The following PAN3 variants were observed in gnomAD, a reference collection of about 807,000 sequenced individuals.
PAN3 encodes the protein PAN2-PAN3 deadenylation complex subunit PAN3.
PAN3 carries 19 observed loss-of-function variants against 96.2 expected under a neutral mutation model. The ratio of observed to expected loss-of-function variants is 0.20; its 90% confidence interval spans 0.14 to 0.29. PAN3 has a LOEUF of 0.29. Ranked by LOEUF, PAN3 falls within the 10% of genes least tolerant of loss-of-function variation. The pLI, the probability that PAN3 is intolerant of heterozygous loss-of-function variation, is 1.00. For synonymous variants in PAN3, 433 were observed against 406.6 expected, an observed-to-expected ratio of 1.06 and a Z score of -0.78; for missense variants, 882 against 1,108.1, an observed-to-expected ratio of 0.80 and a Z score of 2.90.
chr13:28,227,952 G>A (rs1882175613), intron 6 of PAN3, among the ~76,000 whole-genome samples: 1 of 152,324 alleles, frequency 6.6e-6, no homozygotes. Context: ...GAGAACAGGT[G>A]TAAATGAATG....
At chr13:28,173,151 C>T (rs532620805) in intron 1 of PAN3, among the ~76,000 whole-genome samples, 3 of 152,148 alleles carry the variant, frequency 2.0e-5, no homozygotes, top group Non-Finnish European at 2.9e-5. Context: ...TAGCTACTTA[C>T]GGCAATAGCA....
chr13:28,235,682 T>TACACACACACATAC (rs1555285728), intron 6 of PAN3, among the ~76,000 whole-genome samples: 1 of 123,404 alleles, frequency 8.1e-6, no homozygotes, highest in African/African-American at 3.5e-5. Context: ...TTCTCTAATA[T>TACACACACACATAC]ACACACACAC....
intron 6 of PAN3, among the ~76,000 whole-genome samples, chr13:28,251,067 A>G (rs1566228625): frequency 1.3e-5 from 2 of 150,356 alleles, no homozygotes; most frequent in African/African-American, 2.5e-5. Context: ...TCACTCTTTG[A>G]TTTATCTACT....
chr13:28,232,732 G>A (rs79564428), intron 6 of PAN3: 94 of 152,170 alleles, frequency 6.2e-4, no homozygotes, highest in African/African-American at 2.2e-3. Flanking sequence ...CATGTATTAG[G>A]AATCACATTA....
intron 4 of PAN3, among the ~76,000 whole-genome samples, chr13:28,190,951 G>A (rs571159968): frequency 2.0e-4 from 31 of 152,298 alleles, no homozygotes; most frequent in African/African-American, 7.5e-4. Flanking sequence ...ATAGGATGTG[G>A]CATTTTCAAA....
intron 1 of PAN3, among the ~76,000 whole-genome samples, chr13:28,152,694 T>G (rs1364309143): frequency 6.6e-6 from 1 of 152,164 alleles, no homozygotes; most frequent in East Asian, 1.9e-4. Flanking sequence ...CTTTGTATGG[T>G]TAGGTTAGCA....
intron 4 of PAN3, among the ~76,000 whole-genome samples, chr13:28,193,913 T>C (rs2138210639): frequency 6.6e-6 from 1 of 151,940 alleles, no homozygotes; most frequent in East Asian, 1.9e-4. Context: ...TCCCAGCACT[T>C]TGGGAGGCCG....
At chr13:28,144,211 G>GTTTTTTTTT (rs972669575) in intron 1 of PAN3, among the ~76,000 whole-genome samples, 665 of 101,478 alleles carry the variant, frequency 6.6e-3, no homozygotes, top group Non-Finnish European at 9.8e-3. Context: ...AAGTTTTTTT[G>GTTTTTTTTT]TTTTTTTTTT....
chr13:28,153,731 C>G lies in PAN3; in HGVS notation c.430+14644C>G, dbSNP rs115948571. Among the ~76,000 whole-genome samples, 1,013 of 152,174 alleles carry G rather than the reference C, an allele frequency of 6.7e-3. 8 individuals are homozygous for G. The highest frequency in any genetic ancestry group is 0.021 in the African/African-American group (892 of 41,526). On this transcript the variant is annotated intron_variant, in intron 1 of 18. Coordinates refer to ENST00000380958, the MANE Select transcript of PAN3 (RefSeq NM_175854.8). ...CATACACACGTACAAAAGACGAACCCAAACCCAACCCTCCAGATGCTAGCT... is the reference window on the plus strand; with the variant it reads ...CATACACACGTACAAAAGACGAACCGAAACCCAACCCTCCAGATGCTAGCT...
intron 4 of PAN3, among the ~76,000 whole-genome samples, chr13:28,178,620 G>A (rs1351576790): frequency 6.6e-6 from 1 of 151,904 alleles, no homozygotes; most frequent in African/African-American, 2.4e-5. Flanking sequence ...AAATCTTGGT[G>A]GAAGTTATTA....
intron 4 of PAN3, among the ~76,000 whole-genome samples, chr13:28,190,215 G>C (rs1001926063): frequency 1.3e-5 from 2 of 152,194 alleles, no homozygotes; most frequent in African/African-American, 4.8e-5. Flanking sequence ...AAAGTGCTGG[G>C]ATTACAGACG....
chr13:28,285,330 A>T (rs548596848), intron 17 of PAN3, among the ~76,000 whole-genome samples: 32 of 152,328 alleles, frequency 2.1e-4, no homozygotes, highest in Non-Finnish European at 4.6e-4. Flanking sequence ...ATAGGTAAGT[A>T]CTAGTGATGA....
intron 4 of PAN3, among the ~76,000 whole-genome samples, chr13:28,187,390 C>G (rs1460592636): frequency 1.3e-5 from 2 of 152,204 alleles, no homozygotes; most frequent in East Asian, 1.9e-4. Flanking sequence ...TATTTTATTT[C>G]TTTATATCTG....
intron 5 of PAN3, among the ~76,000 whole-genome samples, chr13:28,216,524 C>T (rs1464808100): frequency 1.3e-5 from 2 of 152,016 alleles, no homozygotes; most frequent in South Asian, 4.2e-4. Flanking sequence ...AAAAAGTCAC[C>T]AGGTTAGGTT....
chr13:28,148,636 T>G (rs1375483121), intron 1 of PAN3, among the ~76,000 whole-genome samples: 1 of 152,214 alleles, frequency 6.6e-6, no homozygotes, highest in Non-Finnish European at 1.5e-5. Context: ...TCTTTCTAGC[T>G]TATTTGGGGT....
intron 1 of PAN3, among the ~76,000 whole-genome samples, chr13:28,165,683 A>G (rs1392670834): frequency 2.6e-5 from 4 of 152,158 alleles, no homozygotes; most frequent in South Asian, 4.2e-4. Flanking sequence ...AATATTGGAG[A>G]CTGGGTAATT....
intron 15 of PAN3, among the ~76,000 whole-genome samples, chr13:28,279,431 C>A (rs1464094260): frequency 6.6e-6 from 1 of 152,058 alleles, no homozygotes; most frequent in African/African-American, 2.4e-5. Flanking sequence ...CCACACCTAC[C>A]CCCTTTTAGT....
intron 14 of PAN3, among the ~76,000 whole-genome samples, chr13:28,274,152 A>T (rs1373635580): frequency 1.3e-5 from 2 of 152,048 alleles, no homozygotes; most frequent in African/African-American, 4.8e-5. Context: ...CAACACAGGG[A>T]GGAATATGAT....
chr13:28,196,160 G>A (rs2138226295), intron 4 of PAN3, among the ~76,000 whole-genome samples: 1 of 151,854 alleles, frequency 6.6e-6, no homozygotes, highest in African/African-American at 2.4e-5. Flanking sequence ...TGCCTGGCCA[G>A]CATCTTTTTT....
Sources: allele counts gnomAD v4.1 joint callset (sites outside exome capture counted in the v4.1 genomes callset), GRCh38; gene constraint gnomAD v4.1.1; transcripts MANE v1.5; gene names NCBI Gene and HGNC (gene_info 2026-07-23, HGNC 2026-07-21).